The following EBF2 variants were observed in gnomAD, a reference collection of about 807,000 sequenced individuals.
EBF2 encodes the protein transcription factor COE2.
A neutral mutation model predicts 72.8 loss-of-function variants in EBF2; 21 were observed. The observed-to-expected ratio is 0.29, with a 90% CI of 0.20 to 0.42. The LOEUF (loss-of-function observed/expected upper bound fraction) is 0.42, where lower values mean the gene tolerates loss of function less well. Ranked by LOEUF, EBF2 falls within the 10% of genes least tolerant of loss-of-function variation. EBF2 has a pLI of 1.00. For missense variants in EBF2, 637 were observed against 731.2 expected, an observed-to-expected ratio of 0.87 and a Z score of 1.49; for synonymous variants, 299 against 274.2, an observed-to-expected ratio of 1.09 and a Z score of -0.89.
chr8:25,991,021 C>A (rs1031599794), intron 6 of EBF2, among the ~76,000 whole-genome samples: 2 of 152,134 alleles, frequency 1.3e-5, no homozygotes, highest in African/African-American at 4.8e-5. Flanking sequence ...AAAAGGATAT[C>A]CCTCAAACTG....
At chr8:25,970,540 C>T (rs1466450077) in intron 6 of EBF2, among the ~76,000 whole-genome samples, 1 of 152,098 alleles carries the variant, frequency 6.6e-6, no homozygotes, top group East Asian at 1.9e-4. Context: ...CTTCAGGCTC[C>T]CCTAATAAAT....
intron 6 of EBF2, among the ~76,000 whole-genome samples, chr8:26,005,295 T>TA (rs1378703355): frequency 2.8e-4 from 1 of 3,620 alleles, no homozygotes; most frequent in Admixed American, 3.4e-3. Context: ...AATTATATAA[T>TA]TATATATAAT....
chr8:25,873,928 A>G (rs1802479171), intron 10 of EBF2, among the ~76,000 whole-genome samples: 1 of 152,214 alleles, frequency 6.6e-6, no homozygotes, highest in Non-Finnish European at 1.5e-5. Context: ...TTCTGGGGCT[A>G]ACAACGGAGA....
chr8:25,998,137 C>T (rs1214058518), intron 6 of EBF2, among the ~76,000 whole-genome samples: 2 of 152,114 alleles, frequency 1.3e-5, no homozygotes, highest in Admixed American at 1.3e-4. Context: ...CTTCCCCATC[C>T]CTCCTAGCTG....
intron 6 of EBF2, among the ~76,000 whole-genome samples, chr8:25,989,542 T>A (rs528177545): frequency 8.5e-5 from 13 of 152,366 alleles, no homozygotes; most frequent in Admixed American, 6.5e-4. Context: ...TTTCAGAGAC[T>A]ATAGACATTT....
In EBF2 at chr8:25,842,033, G is replaced by A. The variant is rs1249506868; in HGVS notation, c.*2576C>T. 1 of 152,074 alleles carries A rather than the reference G, an allele frequency of 6.6e-6. No homozygotes were observed. Among genetic ancestry groups the A allele is most frequent in the African/African-American group, 2.4e-5 (1 of 41,404 alleles). 9.4% of individuals were successfully genotyped at this position (152,074 alleles called of 1,614,324 possible). A position where few individuals can be genotyped will look rare whatever the true frequency, so the allele number is the denominator to read the frequency against. On this transcript the variant is annotated 3_prime_UTR_variant, in exon 16 of 16. Transcript: ENST00000520164. ...AAGAAAAACTGAGAAGAATTACAACGCTATAACAAAAGAAAGATAAATAAT... is the reference window on the plus strand; with the variant it reads ...AAGAAAAACTGAGAAGAATTACAACACTATAACAAAAGAAAGATAAATAAT...
chr8:25,991,044 T>A (rs1053044437), intron 6 of EBF2, among the ~76,000 whole-genome samples: 4 of 152,186 alleles, frequency 2.6e-5, no homozygotes, highest in Non-Finnish European at 4.4e-5. Flanking sequence ...GCTCTTGGCT[T>A]TTGAATACAG....
At chr8:25,921,665 T>A (rs1391511222) in intron 6 of EBF2, among the ~76,000 whole-genome samples, 2 of 152,262 alleles carry the variant, frequency 1.3e-5, no homozygotes, top group African/African-American at 4.8e-5. Context: ...GAGAATGTTA[T>A]CTGTTTCACG....
At chr8:26,003,132 G>A (rs1804769478) in intron 6 of EBF2, among the ~76,000 whole-genome samples, 1 of 152,182 alleles carries the variant, frequency 6.6e-6, no homozygotes, top group Non-Finnish European at 1.5e-5. Flanking sequence ...ATCCAGAGTT[G>A]CTCCTCCGCT....
At chr8:25,920,501 TG>T in intron 6 of EBF2, among the ~76,000 whole-genome samples, 1 of 152,330 alleles carries the variant, frequency 6.6e-6, no homozygotes, top group Non-Finnish European at 1.5e-5. Context: ...GGTTGTGTTT[TG>T]TTTGGCTATT....
At chr8:25,880,522 C>T (rs1046646416) in intron 10 of EBF2, among the ~76,000 whole-genome samples, 3 of 152,190 alleles carry the variant, frequency 2.0e-5, no homozygotes, top group African/African-American at 7.2e-5. Context: ...GCTTCCCTCA[C>T]CTACTAATAC....
chr8:25,890,391 T>C (rs915590340), intron 7 of EBF2, among the ~76,000 whole-genome samples: 1 of 152,222 alleles, frequency 6.6e-6, no homozygotes, highest in Non-Finnish European at 1.5e-5. Context: ...CCTCGACTTT[T>C]GCTGAGAAGA....
chr8:25,855,670 C>T (rs551483333), intron 14 of EBF2, among the ~76,000 whole-genome samples: 74 of 152,114 alleles, frequency 4.9e-4, no homozygotes, highest in Non-Finnish European at 9.0e-4. Flanking sequence ...TTTGTATTTC[C>T]CAGAGAAGTA....
At chr8:25,878,964 G>A (rs911517549) in intron 10 of EBF2, among the ~76,000 whole-genome samples, 1 of 152,092 alleles carries the variant, frequency 6.6e-6, no homozygotes, top group South Asian at 2.1e-4. Context: ...ATTTAAACGT[G>A]TGATGCTATA....
intron 6 of EBF2, among the ~76,000 whole-genome samples, chr8:25,938,742 T>A (rs1394340047): frequency 6.6e-6 from 1 of 152,108 alleles, no homozygotes; most frequent in African/African-American, 2.4e-5. Flanking sequence ...AGGGCTGGAT[T>A]CTAGTCTTGG....
chr8:25,868,640 T>C (rs979420140), intron 10 of EBF2, among the ~76,000 whole-genome samples: 21 of 152,060 alleles, frequency 1.4e-4, no homozygotes, highest in African/African-American at 4.1e-4. Flanking sequence ...ACCACATGCC[T>C]AATTTTTGTA....
chr8:25,860,722 G>T (rs1048846407), intron 13 of EBF2, among the ~76,000 whole-genome samples: 1 of 151,936 alleles, frequency 6.6e-6, no homozygotes, highest in Non-Finnish European at 1.5e-5. Context: ...TCACCATGTT[G>T]CCCAGGCTGG....
At chr8:25,930,495 A>T (rs1239508972) in intron 6 of EBF2, among the ~76,000 whole-genome samples, 3 of 152,134 alleles carry the variant, frequency 2.0e-5, no homozygotes, top group Non-Finnish European at 4.4e-5. Flanking sequence ...CCTTGCAGGG[A>T]CTCATTAAAA....
chr8:25,844,961 T>C (rs1801802739), intron 15 of EBF2, among the ~76,000 whole-genome samples: 2 of 152,244 alleles, frequency 1.3e-5, no homozygotes, highest in Admixed American at 1.3e-4. Context: ...CTGTAATATA[T>C]GCATATTTTT....
Sources: gnomAD v4.1 joint callset for allele counts (sites outside exome capture counted in the v4.1 genomes callset) on GRCh38, gnomAD v4.1.1 for gene constraint, MANE v1.5 for transcripts, NCBI Gene and HGNC (gene_info 2026-07-23, HGNC 2026-07-21) for gene names.